MCM5: variants seen among roughly 807,000 people sequenced by gnomAD.
The protein encoded by MCM5 is DNA replication licensing factor MCM5.
In MCM5, 46 loss-of-function variants were observed where a neutral mutation model predicts 79.9. That is an observed-to-expected ratio of 0.58 (90% CI 0.45 to 0.74). The LOEUF (loss-of-function observed/expected upper bound fraction) is 0.74. Ranked by LOEUF, MCM5 falls within the 30% of genes least tolerant of loss-of-function variation. The probability of loss-of-function intolerance (pLI) is 0.00; values close to 1 mark genes in which losing one functional copy is unlikely to be tolerated. For missense variants in MCM5, 883 were observed against 1,017.0 expected, an observed-to-expected ratio of 0.87 and a Z score of 1.79; for synonymous variants, 404 against 390.5, an observed-to-expected ratio of 1.03 and a Z score of -0.41.
At chr22:35,442,237 C>T in the MCM5 span, among the ~76,000 whole-genome samples, 2 of 152,000 alleles carry the variant, frequency 1.3e-5, no homozygotes, top group East Asian at 3.9e-4. Flanking sequence ...CACCCCCAGA[C>T]ACACCACTCA....
Position 35,400,582 on chromosome 22 carries a change from C to T in MCM5, c.144C>T (p.Arg48=), listed in dbSNP as rs1417037758. 6.2e-7 allele frequency: 1 copy of T among 1,612,392 alleles called. No homozygotes were observed. The highest frequency in any genetic ancestry group is 1.3e-5 in the African/African-American group (1 of 74,862). ...FLRQYRVGTD[R]TGFTFKYRDE... ...GGCAGTACCGAGTGGGCACCGACCG[C>T]ACGGGCTTCACCTTCAAATACAGGT... is the stretch of plus-strand genomic sequence containing the variant. Residue 48 remains arginine, a synonymous_variant, in exon 2 of 17, where the codon CGC becomes CGT. Coordinates refer to ENST00000216122, the MANE Select transcript of MCM5 (RefSeq NM_006739.4).
chr22:35,438,285 GTCC>G, the MCM5 span, among the ~76,000 whole-genome samples: 1 of 79,916 alleles, frequency 1.3e-5, no homozygotes, highest in Non-Finnish European at 2.2e-5. Context: ...ATATTCATCC[GTCC>G]ATCCACCCAC....
chr22:35,402,715 C>T (rs565719936), intron 2 of MCM5, among the ~76,000 whole-genome samples: 2 of 152,184 alleles, frequency 1.3e-5, no homozygotes, highest in African/African-American at 4.8e-5. Context: ...GGCTAATCTT[C>T]GTATTTTTAG....
At position 35,403,319 on chromosome 22, in the gene MCM5, G is replaced by A. The variant is rs770933099; in HGVS notation, c.280G>A (p.Glu94Lys). 1.4e-5 allele frequency: 22 copies of A among 1,614,134 alleles called. No individual in the cohort carries two copies. The highest frequency in any genetic ancestry group is 1.7e-5 in the Non-Finnish European group (20 of 1,180,004). ...LADYLYKQPAEHLQLLEEAAK... is the reference protein window; with the variant it reads ...LADYLYKQPAKHLQLLEEAAK... ...CGACTACTTGTACAAGCAGCCAGCC[G>A]AGCACCTGCAGCTGGTGAGTGGGAC... Residue 94 changes from glutamate (E) to lysine (K), a missense_variant, in exon 3 of 17, where the codon GAG (glutamate) becomes AAG (lysine). Coordinates refer to ENST00000216122, the MANE Select transcript of MCM5 (RefSeq NM_006739.4).
At chr22:35,451,411 C>T in the MCM5 span, among the ~76,000 whole-genome samples, 22 of 152,370 alleles carry the variant, frequency 1.4e-4, no homozygotes, top group East Asian at 7.7e-4. Flanking sequence ...GCTCTGCCAA[C>T]GCAAGCTGCG....
In MCM5 at chr22:35,415,918, C is replaced by T. The variant is rs371377279; in HGVS notation, c.1293C>T (p.Gly431=). The change falls in exon 10 of 17, where the codon GGC becomes GGT. Residue 431 remains glycine, a synonymous_variant. Transcript: ENST00000216122. Reference sequence around the variant, plus strand: ...CGTCCCGGAATTTCATCATGGAGGGCGGAGCCATGGTCCTGGCCGATGGTG... The same window carrying T: ...CGTCCCGGAATTTCATCATGGAGGGTGGAGCCATGGTCCTGGCCGATGGTG... The part of the protein sequence containing the change: ...DPSSRNFIME[G]GAMVLADGGV... 46 of 1,613,996 alleles carry T rather than the reference C, an allele frequency of 2.9e-5. No individual in the cohort carries two copies. Among genetic ancestry groups the T allele is most frequent in the South Asian group, 2.0e-4 (18 of 91,078 alleles).
chr22:35,443,473 G>GCCAA, the MCM5 span, among the ~76,000 whole-genome samples: 2 of 152,214 alleles, frequency 1.3e-5, no homozygotes, highest in Non-Finnish European at 2.9e-5. Context: ...ACAGACATGA[G>GCCAA]CCAACATGTC....
chr22:35,421,292 C>T (rs780588285), intron 14 of MCM5, 26 bp from the exon 15 acceptor site: 2 of 1,607,808 alleles, frequency 1.2e-6, no homozygotes, highest in Non-Finnish European at 8.5e-7. Context: ...ACCGAGGCTA[C>T]CCTGAGCACG....
the MCM5 span, among the ~76,000 whole-genome samples, chr22:35,447,638 T>C: frequency 1.3e-5 from 2 of 152,120 alleles, no homozygotes; most frequent in Admixed American, 1.3e-4. Context: ...ATGCCCGTAA[T>C]CTATTTTTAG....
downstream of MCM5, among the ~76,000 whole-genome samples, chr22:35,426,510 T>C (rs1042948572): frequency 1.3e-5 from 2 of 152,156 alleles, no homozygotes; most frequent in Non-Finnish European, 2.9e-5. Flanking sequence ...CCCTTAGGCT[T>C]GTCTTCTCAG....
chr22:35,413,801 C>T (rs1430155344), intron 8 of MCM5, 74 bp from the exon 9 acceptor site: 1 of 870,208 alleles, frequency 1.1e-6, no homozygotes, highest in African/African-American at 1.6e-5. Flanking sequence ...GCCAGCCCAC[C>T]AATCTGGTGA....
chr22:35,402,055 G>A (rs527538954), intron 2 of MCM5, among the ~76,000 whole-genome samples: 1 of 152,178 alleles, frequency 6.6e-6, no homozygotes, highest in African/African-American at 2.4e-5. Context: ...CAGCCTGTGC[G>A]TTGGTCAGTG....
chr22:35,439,757 C>T, the MCM5 span, among the ~76,000 whole-genome samples: 2 of 152,310 alleles, frequency 1.3e-5, no homozygotes, highest in African/African-American at 4.8e-5. Flanking sequence ...TGAAGTTGGG[C>T]ATTTAATTTT....
chr22:35,413,628 T>A (rs1932452789), intron 8 of MCM5, among the ~76,000 whole-genome samples: 1 of 152,182 alleles, frequency 6.6e-6, no homozygotes, highest in Non-Finnish European at 1.5e-5. Context: ...ATAAGAGCCA[T>A]TTCCTTTAAC....
the MCM5 span, among the ~76,000 whole-genome samples, chr22:35,436,132 C>T: frequency 6.8e-6 from 1 of 145,988 alleles, no homozygotes; most frequent in Non-Finnish European, 1.5e-5. Context: ...CCACTGCACT[C>T]CAGCCTGGGC....
chr22:35,416,035 T>A (rs1932530601), intron 10 of MCM5, 63 bp downstream of exon 10: 2 of 1,575,226 alleles, frequency 1.3e-6, no homozygotes, highest in African/African-American at 1.3e-5. Flanking sequence ...TGACTTCCTG[T>A]GCTCAGCCAG....
the MCM5 span, among the ~76,000 whole-genome samples, chr22:35,431,567 A>G: frequency 6.6e-6 from 1 of 152,134 alleles, no homozygotes; most frequent in Non-Finnish European, 1.5e-5. Flanking sequence ...CCACAGTGAT[A>G]GTTTCTCGGG....
At chr22:35,430,443 G>A in the MCM5 span, among the ~76,000 whole-genome samples, 3 of 151,802 alleles carry the variant, frequency 2.0e-5, no homozygotes, top group African/African-American at 7.3e-5. Context: ...GGTGTCAAAA[G>A]CTTCTGAACA....
At chr22:35,448,063 C>T in the MCM5 span, among the ~76,000 whole-genome samples, 1 of 152,208 alleles carries the variant, frequency 6.6e-6, no homozygotes, top group Non-Finnish European at 1.5e-5. Flanking sequence ...TCCCCTCCTC[C>T]CACACATGCG....
Sources: gnomAD v4.1 joint callset for allele counts (sites outside exome capture counted in the v4.1 genomes callset) on GRCh38, gnomAD v4.1.1 for gene constraint, MANE v1.5 for transcripts, NCBI Gene and HGNC (gene_info 2026-07-23, HGNC 2026-07-21) for gene names.